Variants in UBXN2B observed in about 807,000 individuals in gnomAD.
UBXN2B encodes UBX domain protein 2B, also known as UBX domain-containing protein 2B.
In UBXN2B, 19 loss-of-function variants were observed where a neutral mutation model predicts 37.5. The ratio of observed to expected loss-of-function variants is 0.51; its 90% CI spans 0.35 to 0.74. The LOEUF (loss-of-function observed/expected upper bound fraction) is 0.74, where lower values mean the gene tolerates loss of function less well. Ranked by LOEUF, UBXN2B falls within the 30% of genes least tolerant of loss-of-function variation. UBXN2B has a pLI of 0.01. For missense variants in UBXN2B, 370 were observed against 393.2 expected (o/e 0.94, Z 0.50); for synonymous variants, 145 against 143.8 (o/e 1.01, Z -0.06).
chr8:58,436,331 T>C (rs1277316008), intron 5 of UBXN2B, among the ~76,000 whole-genome samples: 5 of 152,178 alleles, frequency 3.3e-5, no homozygotes, highest in Non-Finnish European at 5.9e-5. Context: ...CTAAAAAATG[T>C]GTTTTGCTTG....
chr8:58,445,139 C>T (rs1377963581), intron 6 of UBXN2B, among the ~76,000 whole-genome samples: 1 of 152,116 alleles, frequency 6.6e-6, no homozygotes, highest in African/African-American at 2.4e-5. Context: ...AAAGAGCACT[C>T]CTCTATTTTT....
intron 2 of UBXN2B, among the ~76,000 whole-genome samples, chr8:58,427,098 A>G (rs1808120044): frequency 6.6e-6 from 1 of 152,264 alleles, no homozygotes; most frequent in Non-Finnish European, 1.5e-5. Flanking sequence ...ATTAATGAGG[A>G]TGGAGAGAAC....
chr8:58,419,674 G>T (rs1291152631), intron 2 of UBXN2B, among the ~76,000 whole-genome samples: 1 of 152,200 alleles, frequency 6.6e-6, no homozygotes, highest in Non-Finnish European at 1.5e-5. Context: ...GCCTTAAAAG[G>T]ATTTAAGATA....
At chr8:58,432,375 CTTTTTTTTTTTTTT>C (rs34018318) in intron 3 of UBXN2B, among the ~76,000 whole-genome samples, 1 of 81,520 alleles carries the variant, frequency 1.2e-5, no homozygotes, top group Non-Finnish European at 2.1e-5. Context: ...TTCTAAATTT[CTTTTTTTTTTTTTT>C]TTTTTTTTTT....
At chr8:58,424,686 G>C (rs1179599072) in intron 2 of UBXN2B, 22 of 1,186,816 alleles carry the variant, frequency 1.9e-5, no homozygotes, top group Non-Finnish European at 2.7e-5. Flanking sequence ...GGAGTACAAG[G>C]CGGGGGGGGG....
rs182129966 is a variant in UBXN2B, at chr8:58,449,816, A to C, written c.*2265A>C. 6.6e-6 allele frequency: 1 copy of C among 152,264 alleles called. No individual in the cohort carries two copies. The highest frequency in any genetic ancestry group is 1.5e-5 in the Non-Finnish European group (1 of 68,032). The allele number at this position is 152,264 out of a possible 1,614,324, so 9.4% of individuals were successfully genotyped here. The stretch of plus-strand genomic sequence containing the variant: ...GTTTGCAGCTGAGTATCAACTTATC[A>C]GTTTGTTCTTCTTTTATATTCTCTA... On this transcript the variant is annotated 3_prime_UTR_variant, in exon 8 of 8. Transcript: ENST00000399598.
intron 2 of UBXN2B, chr8:58,426,781 G>T (rs1031316890): frequency 4.9e-6 from 3 of 617,412 alleles, no homozygotes; most frequent in Non-Finnish European, 9.1e-6. Context: ...GGCCCGCTCG[G>T]GACCAGATGC....
At chr8:58,443,862 T>C (rs1236542197) in intron 6 of UBXN2B, among the ~76,000 whole-genome samples, 3 of 152,112 alleles carry the variant, frequency 2.0e-5, no homozygotes, top group Non-Finnish European at 4.4e-5. Context: ...GGCTGGTTTT[T>C]TAATACCACA....
Position 58,411,398 on chromosome 8 carries a change from G to C in UBXN2B, c.13G>C (p.Gly5Arg), listed in dbSNP as rs1807630541. Residue 5 changes from glycine (G) to arginine (R), a missense_variant, in exon 1 of 8, where the codon GGA becomes CGA. Gly to Arg is a moderately radical substitution (Grantham distance 125). Transcript: ENST00000399598. ...TAGCCAGCGGAAGATGGCGGAGGGC[G>C]GAGGCCCTGAGCCCGGCGAGCAGGA... MAEG[G>R]GPEPGEQERR... 1 of 1,269,372 alleles carries C rather than the reference G, an allele frequency of 7.9e-7. No individual in the cohort carries two copies. Among genetic ancestry groups the C allele is most frequent in the South Asian group, 2.9e-5 (1 of 34,626 alleles). 78.6% of individuals were successfully genotyped at this position (1,269,372 alleles called of 1,614,324 possible).
At chr8:58,440,294 G>C (rs564176156) in intron 6 of UBXN2B, among the ~76,000 whole-genome samples, 1 of 152,218 alleles carries the variant, frequency 6.6e-6, no homozygotes, top group East Asian at 1.9e-4. Flanking sequence ...ACTTAAGCAT[G>C]CATGTCTGCC....
At chr8:58,437,953 C>G (rs995644882) in intron 5 of UBXN2B, among the ~76,000 whole-genome samples, 2 of 150,802 alleles carry the variant, frequency 1.3e-5, no homozygotes, top group African/African-American at 4.9e-5. Flanking sequence ...TAAGGCAGCC[C>G]CCCCCCCAAC....
At chr8:58,442,326 G>A (rs1389497175) in intron 6 of UBXN2B, among the ~76,000 whole-genome samples, 1 of 152,100 alleles carries the variant, frequency 6.6e-6, no homozygotes, top group African/African-American at 2.4e-5. Context: ...GAATTACATA[G>A]AACATTTTAT....
rs1052945186 is a variant in UBXN2B, at chr8:58,439,542, G to A, written c.534-91G>A. 4.1e-6 allele frequency: 6 copies of A among 1,453,592 alleles called. No individual in the cohort carries two copies. The African/African-American group carries it at 5.8e-5, about 14-fold the overall frequency. The allele number at this position is 1,453,592 out of a possible 1,614,324, so 90.0% of individuals were successfully genotyped here. A position where few individuals can be genotyped will look rare whatever the true frequency, so the allele number is the denominator to read the frequency against. ...TTTAAGCAAAAAATTCTGTTTTCCA[G>A]TGTAGCTCATGAAATAATTACAGTA... On this transcript the variant is annotated intron_variant, in intron 5 of 7. Transcript: ENST00000399598.
intron 2 of UBXN2B, among the ~76,000 whole-genome samples, chr8:58,430,274 G>C (rs565470612): frequency 1.3e-5 from 2 of 152,224 alleles, no homozygotes; most frequent in Non-Finnish European, 2.9e-5. Flanking sequence ...AAGCAAGCCA[G>C]TTGCCGTGCT....
chr8:58,427,651 T>TTGTTAATGGGAGGGCTTA (rs1473262689), intron 2 of UBXN2B, among the ~76,000 whole-genome samples: 2 of 152,114 alleles, frequency 1.3e-5, no homozygotes, highest in Non-Finnish European at 2.9e-5. Context: ...AAAAGTGTGA[T>TTGTTAATGGGAGGGCTTA]TGTTAATGGG....
intron 6 of UBXN2B, among the ~76,000 whole-genome samples, chr8:58,441,333 T>G (rs1357756996): frequency 2.6e-5 from 2 of 77,766 alleles, no homozygotes; most frequent in African/African-American, 1.5e-4. Context: ...TTTTTACTCC[T>G]CTTGTTGTGA....
chr8:58,430,964 A>G (rs933698557), intron 3 of UBXN2B, among the ~76,000 whole-genome samples: 5 of 152,160 alleles, frequency 3.3e-5, no homozygotes, highest in South Asian at 2.1e-4. Context: ...GTTTCCCCCA[A>G]TGGTTCCCCC....
At chr8:58,424,166 A>G (rs892417397) in intron 2 of UBXN2B, among the ~76,000 whole-genome samples, 29 of 151,986 alleles carry the variant, frequency 1.9e-4, no homozygotes, top group African/African-American at 7.0e-4. Flanking sequence ...AATCTTCCCA[A>G]ATCATTTCTT....
At chr8:58,439,508 G>A (rs1469025761) in intron 5 of UBXN2B, 125 bp from the exon 6 acceptor site, 4 of 1,190,740 alleles carry the variant, frequency 3.4e-6, no homozygotes, top group East Asian at 5.1e-5. Context: ...GGAAATTTTT[G>A]TGTTATAATT....
Sources: allele counts gnomAD v4.1 joint callset (sites outside exome capture counted in the v4.1 genomes callset), GRCh38; gene constraint gnomAD v4.1.1; transcripts MANE v1.5; gene names NCBI Gene and HGNC (gene_info 2026-07-23, HGNC 2026-07-21).